Variants in SLC25A13 observed in about 807,000 individuals in gnomAD.
SLC25A13 encodes electrogenic aspartate/glutamate antiporter SLC25A13, mitochondrial.
In SLC25A13, 70 loss-of-function variants were observed where a neutral mutation model predicts 85.5. That is an observed-to-expected ratio of 0.82 (90% CI 0.68 to 1.00). The LOEUF is 1.00. Among genes scored for constraint, SLC25A13 ranks in the 50% least tolerant of loss-of-function variants. The pLI is 0.00. For missense variants in SLC25A13, 765 were observed against 819.8 expected (o/e 0.93, Z 0.82); for synonymous variants, 259 against 288.7 (o/e 0.90, Z 1.04).
intron 6 of SLC25A13, among the ~76,000 whole-genome samples, chr7:96,191,460 T>TA (rs1260919993): frequency 6.6e-6 from 1 of 152,208 alleles, no homozygotes; most frequent in African/African-American, 2.4e-5. Context: ...GTACTCTCCA[T>TA]ACACAACTCC....
chr7:96,148,775 T>A (rs1007792369), intron 13 of SLC25A13, among the ~76,000 whole-genome samples: 1 of 152,018 alleles, frequency 6.6e-6, no homozygotes, highest in Non-Finnish European at 1.5e-5. Flanking sequence ...AGGCATACAA[T>A]GCATATTCAT....
chr7:96,180,242 T>G (rs571742844), intron 11 of SLC25A13, among the ~76,000 whole-genome samples: 2 of 152,248 alleles, frequency 1.3e-5, no homozygotes, highest in Non-Finnish European at 2.9e-5. Flanking sequence ...TAAAATGATC[T>G]AATTACTCTT....
chr7:96,153,893 A>T (rs1277464213), intron 13 of SLC25A13, among the ~76,000 whole-genome samples: 1 of 152,238 alleles, frequency 6.6e-6, no homozygotes, highest in Non-Finnish European at 1.5e-5. Context: ...ACTTAACATG[A>T]AATATATAGG....
chr7:96,167,379 C>A (rs2116565560), intron 13 of SLC25A13, among the ~76,000 whole-genome samples: 1 of 152,172 alleles, frequency 6.6e-6, no homozygotes, highest in African/African-American at 2.4e-5. Flanking sequence ...AATTTACTAA[C>A]ACTTTCATTC....
rs754985592 is a variant in SLC25A13, at chr7:96,146,608, C to G, written c.1400G>C (p.Arg467Pro). 1.2e-6 allele frequency: 2 copies of G among 1,613,842 alleles called. No homozygotes were observed. The highest frequency in any genetic ancestry group is 2.2e-5 in the East Asian group (1 of 44,870). ...QVAGEITTGP[R>P]VSALSVVRDL... ...CCGCACGACAGACAGAGCACTGACT[C>G]GAGGACCAGTGGTGATTTCTCCTGC... Residue 467 changes from arginine (R) to proline (P), a missense_variant, in exon 14 of 18, where the codon CGA becomes CCA. Coordinates refer to ENST00000265631, the MANE Select transcript of SLC25A13 (RefSeq NM_014251.3).
chr7:96,163,421 C>G (rs1174189115), intron 13 of SLC25A13, among the ~76,000 whole-genome samples: 2 of 152,214 alleles, frequency 1.3e-5, no homozygotes, highest in African/African-American at 2.4e-5. Flanking sequence ...CTGGCCCCAG[C>G]TGCCACTAGC....
chr7:96,231,495 C>T (rs542078787), intron 4 of SLC25A13, among the ~76,000 whole-genome samples: 14 of 152,200 alleles, frequency 9.2e-5, no homozygotes, highest in South Asian at 4.2e-4. Flanking sequence ...GAGGCTGAGG[C>T]GGGTGAATCA....
intron 1 of SLC25A13, among the ~76,000 whole-genome samples, chr7:96,306,592 G>A (rs1316491728): frequency 1.3e-5 from 2 of 151,926 alleles, no homozygotes; most frequent in African/African-American, 4.8e-5. Flanking sequence ...GGCCTATGTG[G>A]CCAGACTTCT....
At chr7:96,147,027 C>T (rs1211699666) in intron 13 of SLC25A13, among the ~76,000 whole-genome samples, 1 of 149,008 alleles carries the variant, frequency 6.7e-6, no homozygotes, top group Non-Finnish European at 1.5e-5. Context: ...GCCAAGGGCA[C>T]AAAGGCAGTA....
At chr7:96,197,597 G>C (rs1795109743) in intron 5 of SLC25A13, among the ~76,000 whole-genome samples, 1 of 152,114 alleles carries the variant, frequency 6.6e-6, no homozygotes. Context: ...AAAGCTCCTG[G>C]TTTGCACCTC....
chr7:96,197,599 T>C (rs181998078), intron 5 of SLC25A13, among the ~76,000 whole-genome samples: 2 of 152,270 alleles, frequency 1.3e-5, no homozygotes, highest in African/African-American at 4.8e-5. Flanking sequence ...AGCTCCTGGT[T>C]TGCACCTCAA....
chr7:96,231,113 A>G (rs948792585), intron 4 of SLC25A13, among the ~76,000 whole-genome samples: 2 of 152,202 alleles, frequency 1.3e-5, no homozygotes, highest in Admixed American at 1.3e-4. Flanking sequence ...TTCATCTGAA[A>G]AACAAACAAC....
At chr7:96,256,714 C>A (rs1797650494) in intron 3 of SLC25A13, among the ~76,000 whole-genome samples, 5 of 152,106 alleles carry the variant, frequency 3.3e-5, no homozygotes, top group African/African-American at 1.2e-4. Flanking sequence ...CTGTACCAAG[C>A]AGAACTAATA....
intron 13 of SLC25A13, among the ~76,000 whole-genome samples, chr7:96,167,681 C>T (rs944279499): frequency 3.9e-5 from 6 of 152,206 alleles, no homozygotes. Context: ...CTTACAAAAC[C>T]CTTTGTATTC....
intron 13 of SLC25A13, among the ~76,000 whole-genome samples, chr7:96,152,995 A>G (rs1360047972): frequency 6.6e-6 from 1 of 152,216 alleles, no homozygotes; most frequent in Non-Finnish European, 1.5e-5. Flanking sequence ...GACAATGACA[A>G]TTCATTTAGG....
intron 14 of SLC25A13, among the ~76,000 whole-genome samples, chr7:96,134,765 T>C (rs892887568): frequency 8.2e-6 from 1 of 122,090 alleles, no homozygotes; most frequent in African/African-American, 3.2e-5. Flanking sequence ...AGAAATGGCT[T>C]GATTAAAAAC....
intron 4 of SLC25A13, among the ~76,000 whole-genome samples, chr7:96,222,376 T>A (rs929908056): frequency 6.6e-6 from 1 of 152,200 alleles, no homozygotes; most frequent in African/African-American, 2.4e-5. Context: ...TTGGTCTTCA[T>A]GAGAATCAGA....
At chr7:96,205,619 G>A (rs1218404963) in intron 5 of SLC25A13, among the ~76,000 whole-genome samples, 2 of 152,172 alleles carry the variant, frequency 1.3e-5, no homozygotes, top group African/African-American at 4.8e-5. Context: ...TTGCTTCAAT[G>A]TTACTAGATG....
At chr7:96,139,998 G>A (rs1267538329) in intron 14 of SLC25A13, among the ~76,000 whole-genome samples, 3 of 117,276 alleles carry the variant, frequency 2.6e-5, no homozygotes, top group Admixed American at 1.2e-4. Flanking sequence ...TCGCTCTGTC[G>A]CCCAGGCTGG....
Sources: gnomAD v4.1 joint callset for allele counts (sites outside exome capture counted in the v4.1 genomes callset) on GRCh38, gnomAD v4.1.1 for gene constraint, MANE v1.5 for transcripts, NCBI Gene and HGNC (gene_info 2026-07-23, HGNC 2026-07-21) for gene names.